Variants in SDK1 observed in about 807,000 individuals in gnomAD.
The protein encoded by SDK1 is protein sidekick-1.
A neutral mutation model predicts 245.5 loss-of-function variants in SDK1; 157 were observed. That is an observed-to-expected ratio of 0.64 (90% CI 0.56 to 0.73). The LOEUF is 0.73. Ranked by LOEUF, SDK1 falls within the 30% of genes least tolerant of loss-of-function variation. The pLI is 0.00. For missense variants in SDK1, 3,583 were observed against 3,002.3 expected (o/e 1.19, Z -4.52); for synonymous variants, 1,647 against 1,278.5 (o/e 1.29, Z -6.15).
intron 1 of SDK1, among the ~76,000 whole-genome samples, chr7:3,336,868 T>C (rs1198168598): frequency 6.6e-6 from 1 of 152,130 alleles, no homozygotes; most frequent in African/African-American, 2.4e-5. Flanking sequence ...TTTGTCAGGG[T>C]GATGGTGGGG....
intron 35 of SDK1, among the ~76,000 whole-genome samples, chr7:4,190,587 G>A (rs1257457268): frequency 1.3e-5 from 2 of 152,252 alleles, no homozygotes; most frequent in African/African-American, 2.4e-5. Flanking sequence ...TGGAGAGACT[G>A]TGGGATGCAG....
At chr7:3,977,795 G>A (rs748100569) in intron 13 of SDK1, among the ~76,000 whole-genome samples, 1 of 152,246 alleles carries the variant, frequency 6.6e-6, no homozygotes, top group Non-Finnish European at 1.5e-5. Context: ...AATTTTGAGT[G>A]CCTGATGTAG....
At position 3,473,536 on chromosome 7, in the gene SDK1, A is replaced by G. The variant is rs375826707; in HGVS notation, c.299-145544A>G. 3.3e-5 allele frequency among the ~76,000 whole-genome samples: 5 copies of G among 152,206 alleles called. No individual in the cohort carries two copies. The South Asian group carries it at 1.0e-3, about 31-fold the overall frequency. The stretch of plus-strand genomic sequence containing the variant: ...TAAACCCTGAGAGACCAGCCTCTAG[A>G]TAGGACTCTTGCAGTATGTGGGACG... On this transcript the variant is annotated intron_variant, in intron 1 of 44. Transcript: ENST00000404826.
chr7:3,627,944 T>C (rs944726715), intron 2 of SDK1, among the ~76,000 whole-genome samples: 1 of 152,182 alleles, frequency 6.6e-6, no homozygotes, highest in Non-Finnish European at 1.5e-5. Context: ...AAGCCATTTG[T>C]TACTGCCCAA....
chr7:4,077,300 A>G, intron 21 of SDK1, 111 bp downstream of exon 21: 1 of 1,008,060 alleles, frequency 9.9e-7, no homozygotes, highest in Admixed American at 2.2e-5. Flanking sequence ...CTTGAAAAGG[A>G]GTAGTGGCCT....
intron 14 of SDK1, among the ~76,000 whole-genome samples, chr7:4,004,508 A>G (rs1420693205): frequency 6.6e-6 from 1 of 152,196 alleles, no homozygotes; most frequent in Non-Finnish European, 1.5e-5. Context: ...CCAATAGACA[A>G]TTACAACAGT....
intron 14 of SDK1, among the ~76,000 whole-genome samples, chr7:3,988,557 C>G (rs975690295): frequency 6.6e-6 from 1 of 152,134 alleles, no homozygotes; most frequent in South Asian, 2.1e-4. Flanking sequence ...TCACCCTGGG[C>G]TACTGTGCTC....
Position 4,178,513 on chromosome 7 carries a change from A to T in SDK1, c.5025A>T (p.Val1675=). The change falls in exon 35 of 45, where the codon GTA becomes GTT. Residue 1675 remains valine, a synonymous_variant. Transcript: ENST00000404826. ...TAAAGAAGTACCGGCGCTATGAAGTAATAATGACCGCCTATAACATCATCG... is the reference window on the plus strand; with the variant it reads ...TAAAGAAGTACCGGCGCTATGAAGTTATAATGACCGCCTATAACATCATCG... The part of the protein sequence containing the change: ...THLKKYRRYE[V]IMTAYNIIGE... The T allele has an allele frequency of 6.2e-7, 1 of 1,613,944 alleles. No homozygotes were observed. Among genetic ancestry groups the T allele is most frequent in the Middle Eastern group, 1.6e-4 (1 of 6,062 alleles).
intron 38 of SDK1, among the ~76,000 whole-genome samples, chr7:4,213,583 CA>C (rs113155169): frequency 3.1e-3 from 415 of 134,602 alleles, no homozygotes; most frequent in Middle Eastern, 7.6e-3. Flanking sequence ...GATTCTGTCT[CA>C]AAAAAAAAAA....
rs1224525667 is a variant in SDK1 at position 3,840,810 on chromosome 7, GAA to G, written c.847+19230_847+19231del. Among the ~76,000 whole-genome samples, 24 of 152,324 alleles carry G rather than the reference GAA, an allele frequency of 1.6e-4. 1 individual carries two copies. The East Asian group carries it at 4.6e-3, about 29-fold the overall frequency. On this transcript the variant is annotated intron_variant, in intron 5 of 44. Coordinates refer to ENST00000404826, the MANE Select transcript of SDK1 (RefSeq NM_152744.4). The stretch of plus-strand genomic sequence containing the variant: ...CCTGACTTGGATTCACATTAGACAT[GAA>G]AAGTCTTAGGACCCATGCCAGACCT...
At chr7:3,421,896 G>A (rs1406276370) in intron 1 of SDK1, among the ~76,000 whole-genome samples, 2 of 152,182 alleles carry the variant, frequency 1.3e-5, no homozygotes, top group African/African-American at 4.8e-5. Flanking sequence ...TGGGCCAGAT[G>A]CAGTGGCTCC....
intron 4 of SDK1, among the ~76,000 whole-genome samples, chr7:3,685,937 C>T (rs915544299): frequency 1.3e-5 from 2 of 151,694 alleles, no homozygotes. Flanking sequence ...CTAAATATAC[C>T]AATTAAAATA....
intron 31 of SDK1, among the ~76,000 whole-genome samples, chr7:4,160,902 C>A (rs534774909): frequency 6.6e-6 from 1 of 152,262 alleles, no homozygotes; most frequent in South Asian, 2.1e-4. Flanking sequence ...ATCACAGAGC[C>A]GGTGACCCCG....
chr7:3,362,364 A>G (rs1040629378), intron 1 of SDK1, among the ~76,000 whole-genome samples: 4 of 152,140 alleles, frequency 2.6e-5, no homozygotes, highest in African/African-American at 9.7e-5. Flanking sequence ...ACCTGTTTGA[A>G]TCTTCTCTTT....
chr7:3,534,583 G>C (rs528331844), intron 1 of SDK1, among the ~76,000 whole-genome samples: 2 of 152,104 alleles, frequency 1.3e-5, no homozygotes, highest in East Asian at 3.9e-4. Context: ...ACAGGTGTGA[G>C]GTGGTGTTGC....
intron 2 of SDK1, among the ~76,000 whole-genome samples, chr7:3,633,444 T>A (rs2128648866): frequency 6.6e-6 from 1 of 152,280 alleles, no homozygotes; most frequent in South Asian, 2.1e-4. Context: ...TGCTGAACAG[T>A]ATTCTAAAAT....
chr7:3,476,887 T>A (rs922528653), intron 1 of SDK1, among the ~76,000 whole-genome samples: 2 of 152,156 alleles, frequency 1.3e-5, no homozygotes, highest in African/African-American at 4.8e-5. Flanking sequence ...CTAGGGCTTT[T>A]GGCAGTAAGT....
chr7:3,580,560 A>G (rs1311946149), intron 1 of SDK1, among the ~76,000 whole-genome samples: 3 of 152,216 alleles, frequency 2.0e-5, no homozygotes, highest in South Asian at 2.1e-4. Context: ...TCCCTATTCA[A>G]TAAATGGTGC....
chr7:3,694,690 T>C (rs1490525714), intron 4 of SDK1, among the ~76,000 whole-genome samples: 3 of 152,134 alleles, frequency 2.0e-5, no homozygotes, highest in African/African-American at 7.2e-5. Context: ...TGGGGAACAT[T>C]TGAAAAACAT....
Sources: allele counts gnomAD v4.1 joint callset (sites outside exome capture counted in the v4.1 genomes callset), GRCh38; gene constraint gnomAD v4.1.1; transcripts MANE v1.5; gene names NCBI Gene and HGNC (gene_info 2026-07-23, HGNC 2026-07-21).